WDR43: variants seen among roughly 807,000 people sequenced by gnomAD.
The protein encoded by WDR43 is WD repeat-containing protein 43.
WDR43 carries 13 observed loss-of-function variants against 91.4 expected under a neutral mutation model. The ratio of observed to expected loss-of-function variants is 0.14; its 90% CI spans 0.09 to 0.23. The LOEUF (loss-of-function observed/expected upper bound fraction) is 0.23, where lower values mean the gene tolerates loss of function less well. Ranked by LOEUF, WDR43 falls within the 10% of genes least tolerant of loss-of-function variation. WDR43 has a pLI of 1.00. For missense variants in WDR43, 780 were observed against 809.4 expected, an observed-to-expected ratio of 0.96 and a Z score of 0.44; for synonymous variants, 331 against 287.9, an observed-to-expected ratio of 1.15 and a Z score of -1.51.
rs1011451540 is a variant in WDR43 at position 28,947,962 on chromosome 2, TGG to T, written c.*1185_*1186del. 1 of 147,652 alleles carries T rather than the reference TGG, an allele frequency of 6.8e-6. No homozygotes were observed. The highest frequency in any genetic ancestry group is 1.5e-5 in the Non-Finnish European group (1 of 67,300). The allele number at this position is 147,652 out of a possible 1,614,324, so 9.1% of individuals were successfully genotyped here. A position where few individuals can be genotyped will look rare whatever the true frequency, so the allele number is the denominator to read the frequency against. ...TGGAAGCTCACCTCTAAGAAAGGGCTGGGCAGATGGATTTATTTTTTCCCACC... is the reference window on the plus strand; with the variant it reads ...TGGAAGCTCACCTCTAAGAAAGGGCTGCAGATGGATTTATTTTTTCCCACC... On this transcript the variant is annotated 3_prime_UTR_variant, in exon 18 of 18. Transcript: ENST00000407426.
In WDR43 at chr2:28,906,393, A is replaced by G. The variant is rs948424034; in HGVS notation, c.364-67A>G. ...TCCCAGCATCTTGGGAGAGCGAGGA[A>G]GGAGGATCATTTGAGCCCAGGAGTT... On this transcript the variant is annotated intron_variant, in intron 2 of 17. Coordinates refer to ENST00000407426, the MANE Select transcript of WDR43 (RefSeq NM_015131.3). The G allele has an allele frequency of 4.1e-6, 6 of 1,447,280 alleles. No homozygotes were observed. The Admixed American group carries it at 9.3e-5, about 22-fold the overall frequency. 89.7% of individuals were successfully genotyped at this position (1,447,280 alleles called of 1,614,324 possible).
intron 3 of WDR43, among the ~76,000 whole-genome samples, chr2:28,911,166 T>C (rs1295025781): frequency 6.6e-6 from 1 of 152,182 alleles, no homozygotes; most frequent in Non-Finnish European, 1.5e-5. Context: ...TTAAATACTT[T>C]TAAATTTAAT....
intron 12 of WDR43, 71 bp from the exon 13 acceptor site, chr2:28,936,851 T>C: frequency 7.6e-7 from 1 of 1,323,516 alleles, no homozygotes; most frequent in Non-Finnish European, 1.1e-6. Context: ...ATATTGTCAT[T>C]GTATCATAGG....
intron 2 of WDR43, among the ~76,000 whole-genome samples, chr2:28,904,714 T>TG (rs2148179830): frequency 6.6e-6 from 1 of 152,362 alleles, no homozygotes; most frequent in African/African-American, 2.4e-5. Flanking sequence ...ACTTAGTTCT[T>TG]GGAGTACACA....
intron 2 of WDR43, among the ~76,000 whole-genome samples, chr2:28,904,682 T>C (rs1043379842): frequency 4.6e-5 from 7 of 152,372 alleles, no homozygotes; most frequent in African/African-American, 1.4e-4. Context: ...TCATATCCTT[T>C]AGTTACTTGC....
intron 13 of WDR43, among the ~76,000 whole-genome samples, chr2:28,937,212 T>C (rs142733436): frequency 6.6e-6 from 1 of 152,328 alleles, no homozygotes; most frequent in Non-Finnish European, 1.5e-5. Flanking sequence ...AGTGTTGATA[T>C]CGTAAAACTG....
At position 28,924,644 on chromosome 2, in the gene WDR43, G is replaced by A. The variant is rs181733649; in HGVS notation, c.915-338G>A. 1.3e-4 allele frequency among the ~76,000 whole-genome samples: 20 copies of A among 152,180 alleles called. No homozygotes were observed. In the East Asian group the frequency reaches 3.7e-3, roughly 28 times the overall value. On this transcript the variant is annotated intron_variant, in intron 7 of 17. Transcript: ENST00000407426. ...TGGGGGTTGGGAGAAACTGGAGACGGGACTGACTGGAACAGGGCTTGGACA... is the reference window on the plus strand; with the variant it reads ...TGGGGGTTGGGAGAAACTGGAGACGAGACTGACTGGAACAGGGCTTGGACA...
chr2:28,936,777 A>C, intron 12 of WDR43, 145 bp from the exon 13 acceptor site: 1 of 734,136 alleles, frequency 1.4e-6, no homozygotes, highest in African/African-American at 1.8e-5. Context: ...TGATTATGGG[A>C]ATGTATTCAT....
intron 7 of WDR43, 148 bp downstream of exon 7, chr2:28,923,131 A>G (rs574669018): frequency 1.5e-6 from 1 of 656,976 alleles, no homozygotes; most frequent in Non-Finnish European, 2.5e-6. Context: ...GACTATATAC[A>G]TTGCCAGTTA....
chr2:28,919,197 G>A (rs536706661), intron 6 of WDR43, among the ~76,000 whole-genome samples: 29 of 152,302 alleles, frequency 1.9e-4, no homozygotes, highest in Middle Eastern at 6.8e-3. Flanking sequence ...GGTCGAAGCT[G>A]TAGTGAGCTA....
At chr2:28,932,113 A>G (rs555708491) in intron 11 of WDR43, among the ~76,000 whole-genome samples, 11 of 152,256 alleles carry the variant, frequency 7.2e-5, no homozygotes, top group East Asian at 3.9e-4. Flanking sequence ...CTTGTTCTCA[A>G]GTAATCCTCC....
intron 11 of WDR43, among the ~76,000 whole-genome samples, chr2:28,933,731 A>T (rs4297835): frequency 0.67 from 102,594 of 152,080 alleles, 35,228 homozygotes; most frequent in East Asian, 0.85. Flanking sequence ...ATGTAAAGGT[A>T]TTATGCATTA....
In WDR43 at chr2:28,938,003, T is replaced by C; in HGVS notation, c.1620+9T>C. 1 of 1,611,716 alleles carries C rather than the reference T, an allele frequency of 6.2e-7. No homozygotes were observed. The highest frequency in any genetic ancestry group is 8.5e-7 in the Non-Finnish European group (1 of 1,178,186). The stretch of plus-strand genomic sequence containing the variant: ...CATCATACCTGTCCACGGTGAGTCT[T>C]TTCAGCTTCTGTTGCCGAGTATGAA... On this transcript the variant is annotated intron_variant, in intron 14 of 17. Coordinates refer to ENST00000407426, the MANE Select transcript of WDR43 (RefSeq NM_015131.3).
chr2:28,937,098 C>G, intron 13 of WDR43, 145 bp downstream of exon 13: 1 of 783,408 alleles, frequency 1.3e-6, no homozygotes, highest in South Asian at 2.0e-5. Flanking sequence ...TTGAATGATT[C>G]TTATTCTTAG....
At chr2:28,921,266 T>G (rs930603233) in intron 6 of WDR43, among the ~76,000 whole-genome samples, 1 of 151,992 alleles carries the variant, frequency 6.6e-6, no homozygotes, top group Non-Finnish European at 1.5e-5. Context: ...TAGCTGGGAC[T>G]ACAGGTGCAT....
At chr2:28,940,078 C>G (rs1671406048) in intron 14 of WDR43, among the ~76,000 whole-genome samples, 1 of 143,174 alleles carries the variant, frequency 7.0e-6, no homozygotes, top group Non-Finnish European at 1.5e-5. Flanking sequence ...TGGCACTGCA[C>G]TCCAGCCTGG....
chr2:28,938,047 G>C, intron 14 of WDR43, 53 bp downstream of exon 14: 1 of 1,588,722 alleles, frequency 6.3e-7, no homozygotes, highest in Non-Finnish European at 8.6e-7. Flanking sequence ...CTTTGATAAG[G>C]ATTGTAAACT....
Position 28,926,531 on chromosome 2 carries a change from A to G in WDR43, c.1150A>G (p.Lys384Glu). 6.9e-6 allele frequency: 11 copies of G among 1,598,730 alleles called. No individual in the cohort carries two copies. The highest frequency in any genetic ancestry group is 9.4e-6 in the Non-Finnish European group (11 of 1,171,690). The change falls in exon 9 of 18, where the codon AAA becomes GAA. Residue 384 changes from lysine to glutamate, a missense_variant. Lys to Glu is a moderately conservative substitution (Grantham distance 56, BLOSUM62 1). Transcript: ENST00000407426. Reference sequence around the variant, plus strand: ...AGATATTTCAAACTGCTGGGCCCCCAAAGTAGAAACAGCTATAACAAAGGT... The same window carrying G: ...AGATATTTCAAACTGCTGGGCCCCCGAAGTAGAAACAGCTATAACAAAGGT... ...VRDISNCWAP[K>E]VETAITKVRT...
At chr2:28,929,767 A>AT (rs1458560409) in intron 11 of WDR43, 57 bp downstream of exon 11, 1 of 1,540,438 alleles carries the variant, frequency 6.5e-7, no homozygotes, top group African/African-American at 1.4e-5. Flanking sequence ...TTAGAAAATG[A>AT]TTGACATAGC....
Sources: allele counts gnomAD v4.1 joint callset (sites outside exome capture counted in the v4.1 genomes callset), GRCh38; gene constraint gnomAD v4.1.1; transcripts MANE v1.5; gene names NCBI Gene and HGNC (gene_info 2026-07-23, HGNC 2026-07-21).